NUDCD1: variants seen among roughly 807,000 people sequenced by gnomAD.
NUDCD1 encodes nudC domain-containing protein 1.
NUDCD1 carries 60 observed loss-of-function variants against 67.8 expected under a neutral mutation model. The ratio of observed to expected loss-of-function variants is 0.88; its 90% CI spans 0.72 to 1.10. The LOEUF (loss-of-function observed/expected upper bound fraction) is 1.10. NUDCD1 is among the 50% of genes least tolerant of loss of function. The pLI is 0.00. For synonymous variants in NUDCD1, 244 were observed against 230.8 expected (o/e 1.06, Z -0.52); for missense variants, 643 against 695.0 (o/e 0.93, Z 0.84).
chr8:109,328,836 C>G (rs1815740979), intron 1 of NUDCD1, among the ~76,000 whole-genome samples: 1 of 152,122 alleles, frequency 6.6e-6, no homozygotes. Context: ...AGGTAAAATT[C>G]ACAATGTCTG....
At chr8:109,249,056 T>C (rs1402585937) in intron 8 of NUDCD1, among the ~76,000 whole-genome samples, 7 of 152,330 alleles carry the variant, frequency 4.6e-5, no homozygotes, top group South Asian at 2.1e-4. Context: ...TTCATTTCAC[T>C]TATATGCTCT....
chr8:109,276,371 A>C (rs943970370), intron 6 of NUDCD1, among the ~76,000 whole-genome samples: 1 of 152,232 alleles, frequency 6.6e-6, no homozygotes, highest in African/African-American at 2.4e-5. Context: ...GCTATTCCAC[A>C]ACAAAGCAAC....
At chr8:109,278,423 G>T (rs1229507832) in intron 6 of NUDCD1, among the ~76,000 whole-genome samples, 1 of 152,018 alleles carries the variant, frequency 6.6e-6, no homozygotes, top group Non-Finnish European at 1.5e-5. Flanking sequence ...TTTAATTGAG[G>T]TGTAATTTAT....
chr8:109,279,278 C>T (rs1814372849), intron 6 of NUDCD1, among the ~76,000 whole-genome samples: 1 of 152,132 alleles, frequency 6.6e-6, no homozygotes, highest in South Asian at 2.1e-4. Context: ...TCCTTGCCAA[C>T]GTTTGATACT....
intron 2 of NUDCD1, among the ~76,000 whole-genome samples, chr8:109,299,926 G>C (rs960502742): frequency 1.3e-5 from 2 of 152,160 alleles, no homozygotes; most frequent in Non-Finnish European, 2.9e-5. Flanking sequence ...ACACAACACA[G>C]GACTCTGTGC....
intron 7 of NUDCD1, among the ~76,000 whole-genome samples, chr8:109,272,116 G>A: frequency 1.3e-5 from 2 of 151,890 alleles, no homozygotes; most frequent in South Asian, 4.1e-4. Context: ...GCAGAATAGA[G>A]GAAAAGGCAA....
chr8:109,301,282 C>T (rs1426210732), intron 2 of NUDCD1, among the ~76,000 whole-genome samples: 1 of 152,238 alleles, frequency 6.6e-6, no homozygotes, highest in East Asian at 1.9e-4. Context: ...TTGTAATATT[C>T]TCCCCCCGCC....
At chr8:109,278,889 A>G (rs555440950) in intron 6 of NUDCD1, among the ~76,000 whole-genome samples, 1 of 152,246 alleles carries the variant, frequency 6.6e-6, no homozygotes, top group African/African-American at 2.4e-5. Flanking sequence ...TTTTTAACAT[A>G]TATTTTCAGT....
At chr8:109,296,290 G>A (rs918091348) in intron 3 of NUDCD1, 94 bp downstream of exon 3, 11 of 996,348 alleles carry the variant, frequency 1.1e-5, no homozygotes, top group Admixed American at 6.1e-5. Context: ...CAGATCACAT[G>A]TAAACCATCC....
intron 2 of NUDCD1, among the ~76,000 whole-genome samples, chr8:109,302,654 G>A (rs528109053): frequency 1.3e-5 from 2 of 152,162 alleles, no homozygotes; most frequent in South Asian, 2.1e-4. Flanking sequence ...GGCTGGAGAT[G>A]AAGGCATAGC....
rs1414760088 is a variant in NUDCD1 at position 109,245,361 on chromosome 8, C to T, written c.1420G>A (p.Asp474Asn). ...GTTGCGATGTGCTCCCACATATCAT[C>T]TTGTTTGCTGGAGTGTGGTTGCCAG... ...LLWQPHSSKQDDMWEHIATFN... is the reference protein window; with the variant it reads ...LLWQPHSSKQNDMWEHIATFN... The change falls in exon 9 of 10, where the codon GAT (aspartate) becomes AAT (asparagine). Residue 474 changes from aspartate to asparagine, a missense_variant. Asp to Asn is a conservative substitution (Grantham distance 23, BLOSUM62 1). Coordinates refer to ENST00000239690, the MANE Select transcript of NUDCD1 (RefSeq NM_032869.4). 1 of 1,613,808 alleles carries T rather than the reference C, an allele frequency of 6.2e-7. No individual in the cohort carries two copies. Among genetic ancestry groups the T allele is most frequent in the African/African-American group, 1.3e-5 (1 of 74,908 alleles).
intron 2 of NUDCD1, among the ~76,000 whole-genome samples, chr8:109,297,719 A>G (rs1814878139): frequency 6.6e-6 from 1 of 152,222 alleles, no homozygotes; most frequent in Admixed American, 6.5e-5. Context: ...ACCAATTCTC[A>G]GGTATTTTGT....
intron 2 of NUDCD1, among the ~76,000 whole-genome samples, chr8:109,301,620 A>T (rs528379939): frequency 1.3e-5 from 2 of 152,206 alleles, no homozygotes; most frequent in Non-Finnish European, 2.9e-5. Context: ...CCCAAGGAAC[A>T]TCTCACCAAT....
At chr8:109,283,468 G>T (rs1000959558) in intron 5 of NUDCD1, among the ~76,000 whole-genome samples, 1 of 152,046 alleles carries the variant, frequency 6.6e-6, no homozygotes, top group Non-Finnish European at 1.5e-5. Flanking sequence ...ACAAAATGAA[G>T]ATCACCAAGG....
chr8:109,260,207 C>T (rs1168722259), intron 8 of NUDCD1, among the ~76,000 whole-genome samples: 3 of 152,154 alleles, frequency 2.0e-5, no homozygotes, highest in South Asian at 2.1e-4. Flanking sequence ...TCCTTTTATT[C>T]GAGAGAAGGT....
At chr8:109,327,518 GAATA>G (rs1586315570) in intron 1 of NUDCD1, among the ~76,000 whole-genome samples, 1 of 152,144 alleles carries the variant, frequency 6.6e-6, no homozygotes, top group Non-Finnish European at 1.5e-5. Context: ...TGCCACTGAT[GAATA>G]ACTTGGTTAA....
chr8:109,292,246 T>C (rs533111422), intron 4 of NUDCD1, among the ~76,000 whole-genome samples: 1 of 152,306 alleles, frequency 6.6e-6, no homozygotes, highest in African/African-American at 2.4e-5. Context: ...ATAGATCTTA[T>C]GGTTACCAAC....
intron 8 of NUDCD1, among the ~76,000 whole-genome samples, chr8:109,261,531 G>C (rs2129916310): frequency 6.6e-6 from 1 of 152,176 alleles, no homozygotes; most frequent in Middle Eastern, 3.4e-3. Context: ...CTATTATTAA[G>C]AGGTAAATGT....
Position 109,241,927 on chromosome 8 carries a change from A to C in NUDCD1, c.*1082T>G, listed in dbSNP as rs1307254635. 10 of 395,348 alleles carry C rather than the reference A, an allele frequency of 2.5e-5. No individual in the cohort carries two copies. Among genetic ancestry groups the C allele is most frequent in the African/African-American group, 6.2e-5 (3 of 48,548 alleles). The allele number at this position is 395,348 out of a possible 1,614,324, so 24.5% of individuals were successfully genotyped here. Reference sequence around the variant, plus strand: ...AAAAGTAATAAAAATTTCCAGGTACATACATACTAAAACAAACCTGGAAAG... The same window carrying C: ...AAAAGTAATAAAAATTTCCAGGTACCTACATACTAAAACAAACCTGGAAAG... On this transcript the variant is annotated 3_prime_UTR_variant, in exon 10 of 10. Transcript: ENST00000239690.
Sources: gnomAD v4.1 joint callset for allele counts (sites outside exome capture counted in the v4.1 genomes callset) on GRCh38, gnomAD v4.1.1 for gene constraint, MANE v1.5 for transcripts, NCBI Gene and HGNC (gene_info 2026-07-23, HGNC 2026-07-21) for gene names.